GPA33: variants seen among roughly 807,000 people sequenced by gnomAD.
GPA33 encodes the protein cell surface A33 antigen.
A neutral mutation model predicts 35.6 loss-of-function variants in GPA33; 27 were observed. The observed-to-expected ratio is 0.76, with a 90% CI of 0.56 to 1.04. The LOEUF is 1.04. Among genes scored for constraint, GPA33 ranks in the 50% least tolerant of loss-of-function variants. The pLI is 0.00. For synonymous variants in GPA33, 176 were observed against 164.0 expected (o/e 1.07, Z -0.56); for missense variants, 428 against 411.9 (o/e 1.04, Z -0.34).
At position 167,074,710 on chromosome 1, in the gene GPA33, A is replaced by C. The variant is rs544936074; in HGVS notation, c.44-1171T>G. 3.3e-5 allele frequency among the ~76,000 whole-genome samples: 5 copies of C among 151,990 alleles called. No homozygotes were observed. In the South Asian group the frequency reaches 8.3e-4, roughly 25 times the overall value. On this transcript the variant is annotated intron_variant, in intron 1 of 6. Transcript: ENST00000367868. Reference sequence around the variant, plus strand: ...AGGCAGGAGTCAGCTTAGTCTACGCACAAGGAACAGCAAGGGAGATTGTGT... The same window carrying C: ...AGGCAGGAGTCAGCTTAGTCTACGCCCAAGGAACAGCAAGGGAGATTGTGT...
intron 3 of GPA33, among the ~76,000 whole-genome samples, chr1:167,066,844 G>A (rs1666603475): frequency 6.6e-6 from 1 of 152,206 alleles, no homozygotes; most frequent in African/African-American, 2.4e-5. Context: ...CGGTCCCGGA[G>A]CCCCAGTTTT....
Position 167,071,768 on chromosome 1 carries a change from G to A in GPA33, c.198+1617C>T, listed in dbSNP as rs374343926. Among the ~76,000 whole-genome samples the A allele has an allele frequency of 7.2e-5, 11 of 152,056 alleles. 1 individual carries two copies. The highest frequency in any genetic ancestry group is 4.2e-4 in the South Asian group (2 of 4,816). ...CCTAAGCCTCCCTCCCTGGACCTCCGCCAGGCTAGAAGACCTGCTAGGACC... is the reference window on the plus strand; with the variant it reads ...CCTAAGCCTCCCTCCCTGGACCTCCACCAGGCTAGAAGACCTGCTAGGACC... On this transcript the variant is annotated intron_variant, in intron 2 of 6. Coordinates refer to ENST00000367868, the MANE Select transcript of GPA33 (RefSeq NM_005814.3).
In GPA33 at chr1:167,068,936, C is replaced by A. The variant is rs201727201; in HGVS notation, c.401G>T (p.Arg134Leu). 1.9e-6 allele frequency: 3 copies of A among 1,612,148 alleles called. No individual in the cohort carries two copies. Among genetic ancestry groups the A allele is most frequent in the Non-Finnish European group, 2.5e-6 (3 of 1,179,420 alleles). The change falls in exon 3 of 7, where the codon CGC becomes CTC. Residue 134 changes from arginine to leucine, a missense_variant. Arg to Leu is a moderately radical substitution (Grantham distance 102). Coordinates refer to ENST00000367868, the MANE Select transcript of GPA33 (RefSeq NM_005814.3). ...AAGACACTCACCGAGGACCAACAGG[C>A]GGACACGTGACTTGGTGTTGCCCTC... is the stretch of plus-strand genomic sequence containing the variant. ...DLEGNTKSRV[R>L]LLVLVPPSKP... is the part of the protein sequence containing the mutation.
chr1:167,055,173 A>T, intron 5 of GPA33, 62 bp from the exon 6 acceptor site: 1 of 1,558,476 alleles, frequency 6.4e-7, no homozygotes, highest in South Asian at 1.1e-5. Flanking sequence ...GTCTCCTCCC[A>T]GCCAGGGGAG....
rs533164415 is a variant in GPA33, at chr1:167,077,734, A to C, written c.44-4195T>G. On this transcript the variant is annotated intron_variant, in intron 1 of 6. Transcript: ENST00000367868. ...TGTTAAGTCAACCATCAATGGATGAAAAATGAGTCACTCTATTGAGTTAAT... is the reference window on the plus strand; with the variant it reads ...TGTTAAGTCAACCATCAATGGATGACAAATGAGTCACTCTATTGAGTTAAT... 2.6e-3 allele frequency among the ~76,000 whole-genome samples: 400 copies of C among 152,360 alleles called. 3 individuals carry two copies. The highest frequency in any genetic ancestry group is 3.8e-3 in the Non-Finnish European group (256 of 68,036).
chr1:167,071,631 G>A (rs374630829), intron 2 of GPA33, among the ~76,000 whole-genome samples: 6 of 152,172 alleles, frequency 3.9e-5, no homozygotes, highest in South Asian at 2.1e-4. Context: ...AAGGTGTCTC[G>A]GGCTGTGGAT....
chr1:167,055,854 A>AGGGG lies in GPA33; in HGVS notation c.572-9_572-6dup, dbSNP rs1182352462. On this transcript the variant is annotated splice_polypyrimidine_tract_variant and splice_region_variant and intron_variant, in intron 4 of 6. Transcript: ENST00000367868. ...GGGAGACAGGCTGACCTGAGGCTGC[A>AGGGG]GGGGAAGAAGAGTCAGGGTGAAGAG... 1 of 1,613,924 alleles carries AGGGG rather than the reference A, an allele frequency of 6.2e-7. No homozygotes were observed.
At chr1:167,087,972 A>G (rs1290727706) in intron 1 of GPA33, among the ~76,000 whole-genome samples, 1 of 148,734 alleles carries the variant, frequency 6.7e-6, no homozygotes, top group Non-Finnish European at 1.5e-5. Context: ...ATTGCTTTTA[A>G]ACTCCCTACT....
chr1:167,054,690 CAGG>C (rs1292505091), intron 6 of GPA33, among the ~76,000 whole-genome samples: 2 of 152,128 alleles, frequency 1.3e-5, no homozygotes, highest in African/African-American at 4.8e-5. Flanking sequence ...TTTACCAGCC[CAGG>C]AGGAACTGGC....
chr1:167,073,684 C>T (rs1666766687), intron 1 of GPA33, 145 bp from the exon 2 acceptor site: 1 of 668,800 alleles, frequency 1.5e-6, no homozygotes, highest in East Asian at 2.8e-5. Flanking sequence ...CACCTTGGCC[C>T]TGGCAACCAG....
intron 3 of GPA33, among the ~76,000 whole-genome samples, chr1:167,064,987 C>A (rs1666559361): frequency 6.6e-6 from 1 of 152,208 alleles, no homozygotes; most frequent in African/African-American, 2.4e-5. Flanking sequence ...ACCCTCATCT[C>A]ACAACCCCAA....
chr1:167,073,406 A>G lies in GPA33; in HGVS notation c.177T>C (p.Asp59=), dbSNP rs1486125982. 6.2e-7 allele frequency: 1 copy of G among 1,614,064 alleles called. No homozygotes were observed. The highest frequency in any genetic ancestry group is 2.2e-5 in the East Asian group (1 of 44,888). ...TTACCGTATGAGTGAGGAGGAGCTT[A>G]TCCCATTGAATAAGTCCCTCTCGAC... ...TSSREGLIQW[D]KLLLTHTERV... Residue 59 remains aspartate, a synonymous_variant, in exon 2 of 7, where the codon GAT becomes GAC. Transcript: ENST00000367868.
At chr1:167,089,258 C>T (rs955681849) in intron 1 of GPA33, among the ~76,000 whole-genome samples, 5 of 152,104 alleles carry the variant, frequency 3.3e-5, no homozygotes, top group Non-Finnish European at 5.9e-5. Flanking sequence ...CCCCGTGGCC[C>T]GGGGCTTTCC....
intron 2 of GPA33, among the ~76,000 whole-genome samples, chr1:167,072,800 C>T (rs1036086150): frequency 2.0e-5 from 3 of 151,958 alleles, no homozygotes; most frequent in East Asian, 1.9e-4. Context: ...TATACATATT[C>T]ATATACGCAA....
intron 3 of GPA33, 89 bp from the exon 4 acceptor site, chr1:167,063,826 A>G (rs1666526620): frequency 3.4e-6 from 3 of 886,576 alleles, no homozygotes; most frequent in Non-Finnish European, 3.4e-6. Flanking sequence ...CCCCACACAC[A>G]TATACTGCCT....
At chr1:167,073,575 G>A (rs2102192033) in intron 1 of GPA33, 36 bp from the exon 2 acceptor site, 1 of 1,591,948 alleles carries the variant, frequency 6.3e-7, no homozygotes, top group Non-Finnish European at 8.6e-7. Context: ...GGAAAAGTAA[G>A]CGACACGGAC....
chr1:167,081,710 G>A (rs1053865902), intron 1 of GPA33, among the ~76,000 whole-genome samples: 7 of 152,246 alleles, frequency 4.6e-5, no homozygotes, highest in South Asian at 2.1e-4. Context: ...GAGCCACTTC[G>A]GGCAGATGTA....
chr1:167,073,797 T>C (rs1233717327), intron 1 of GPA33, among the ~76,000 whole-genome samples: 1 of 152,186 alleles, frequency 6.6e-6, no homozygotes, highest in East Asian at 1.9e-4. Context: ...TCAGCCCTAC[T>C]TCTTACCAGC....
chr1:167,089,209 G>A (rs1484834848), intron 1 of GPA33, among the ~76,000 whole-genome samples: 1 of 152,178 alleles, frequency 6.6e-6, no homozygotes, highest in African/African-American at 2.4e-5. Context: ...TGAGAGAAAA[G>A]CATGTCTAGG....
Sources: allele counts gnomAD v4.1 joint callset (sites outside exome capture counted in the v4.1 genomes callset), GRCh38; gene constraint gnomAD v4.1.1; transcripts MANE v1.5; gene names NCBI Gene and HGNC (gene_info 2026-07-23, HGNC 2026-07-21).